The following RBM44 variants were observed in gnomAD, a reference collection of about 807,000 sequenced individuals.
RBM44 encodes RNA binding motif protein 44.
A neutral mutation model predicts 105.1 loss-of-function variants in RBM44; 66 were observed. The observed-to-expected ratio is 0.63, with a 90% CI of 0.52 to 0.77. The LOEUF (loss-of-function observed/expected upper bound fraction) is 0.77. RBM44 is among the 30% of genes least tolerant of loss of function. The pLI is 0.00. For missense variants in RBM44, 1,122 were observed against 1,207.8 expected, an observed-to-expected ratio of 0.93 and a Z score of 1.05; for synonymous variants, 365 against 417.6, an observed-to-expected ratio of 0.87 and a Z score of 1.54.
chr2:237,801,569 C>T (rs2061546636), intron 1 of RBM44, among the ~76,000 whole-genome samples: 1 of 152,120 alleles, frequency 6.6e-6, no homozygotes, highest in African/African-American at 2.4e-5. Flanking sequence ...TCAAGTGAGC[C>T]ACCTGCCTCG....
intron 15 of RBM44, among the ~76,000 whole-genome samples, chr2:237,840,411 G>A (rs182960253): frequency 3.9e-5 from 6 of 152,080 alleles, no homozygotes; most frequent in Admixed American, 6.6e-5. Context: ...ATATACAAAA[G>A]TCAACTCAAC....
At position 237,818,006 on chromosome 2, in the gene RBM44, C is replaced by G. The variant is rs925651299; in HGVS notation, c.1087C>G (p.Gln363Glu). Reference protein sequence around the residue: ...LHLENPSTLPQDKALETLLQP... With the variant: ...LHLENPSTLPEDKALETLLQP... The stretch of plus-strand genomic sequence containing the variant: ...CCTTGAAAATCCTAGCACATTACCA[C>G]AGGATAAAGCTTTAGAGACATTACT... Residue 363 changes from glutamine to glutamate, a missense_variant, in exon 3 of 16, where the codon CAG becomes GAG. Transcript: ENST00000316997. The surrounding 1 kb of genome is among the most constrained non-coding windows in gnomAD (Gnocchi z 4.6). The G allele has an allele frequency of 5.6e-6, 9 of 1,612,906 alleles. No homozygotes were observed. The highest frequency in any genetic ancestry group is 7.6e-6 in the Non-Finnish European group (9 of 1,179,278).
intron 13 of RBM44, among the ~76,000 whole-genome samples, chr2:237,831,852 T>C (rs1012136750): frequency 3.9e-5 from 6 of 152,054 alleles, no homozygotes; most frequent in African/African-American, 1.2e-4. Flanking sequence ...ATTTGTTTGG[T>C]ACATAGCCTC....
At chr2:237,821,416 T>C (rs750951138) in intron 7 of RBM44, 48 bp downstream of exon 7, 1 of 1,396,032 alleles carries the variant, frequency 7.2e-7, no homozygotes, top group African/African-American at 1.5e-5. Context: ...TCCTAAAAAT[T>C]GCTTAATTCA....
At chr2:237,828,930 CTA>C (rs1215923327) in intron 12 of RBM44, among the ~76,000 whole-genome samples, 2 of 152,036 alleles carry the variant, frequency 1.3e-5, no homozygotes, top group African/African-American at 4.8e-5. Flanking sequence ...CTCTGCAACT[CTA>C]TCATATATTA....
At chr2:237,838,319 T>G (rs1016978210) in intron 15 of RBM44, among the ~76,000 whole-genome samples, 6 of 152,150 alleles carry the variant, frequency 3.9e-5, no homozygotes, top group African/African-American at 1.4e-4. Context: ...GTAAAATAAC[T>G]AATTATCTTG....
chr2:237,810,113 G>A (rs999868297), intron 1 of RBM44, among the ~76,000 whole-genome samples: 11 of 152,098 alleles, frequency 7.2e-5, no homozygotes, highest in Admixed American at 2.6e-4. Context: ...CAAATAAAAT[G>A]TTAATGATAT....
At chr2:237,809,150 G>A (rs985251478) in intron 1 of RBM44, among the ~76,000 whole-genome samples, 13 of 152,034 alleles carry the variant, frequency 8.6e-5, no homozygotes, top group Non-Finnish European at 1.6e-4. Flanking sequence ...ATTTTTGACA[G>A]TAACTAGTCT....
rs371424320 is a variant in RBM44 at position 237,839,682 on chromosome 2, A to G, written c.*23-2157A>G. Among the ~76,000 whole-genome samples, 58 of 152,358 alleles carry G rather than the reference A, an allele frequency of 3.8e-4. No individual in the cohort carries two copies. In the South Asian group the frequency reaches 0.011, roughly 30 times the overall value. The stretch of plus-strand genomic sequence containing the variant: ...CAACTTAAACATAAGAGTTAAAATT[A>G]TAAAACTCTTAGAAGAAAACGGTGG... On this transcript the variant is annotated intron_variant, in intron 15 of 15. Transcript: ENST00000316997.
chr2:237,807,043 A>G (rs1416612262), intron 1 of RBM44, among the ~76,000 whole-genome samples: 1 of 152,174 alleles, frequency 6.6e-6, no homozygotes, highest in Non-Finnish European at 1.5e-5. Flanking sequence ...TTAAATCAAG[A>G]GATTTCACTC....
chr2:237,821,291 T>G (rs2061786111), intron 6 of RBM44, 37 bp downstream of exon 6: 1 of 1,552,080 alleles, frequency 6.4e-7, no homozygotes, highest in Admixed American at 2.0e-5. Flanking sequence ...AAATTTTACT[T>G]CATTTAGACA....
At chr2:237,839,122 G>A (rs2061986405) in intron 15 of RBM44, among the ~76,000 whole-genome samples, 1 of 152,180 alleles carries the variant, frequency 6.6e-6, no homozygotes, top group Non-Finnish European at 1.5e-5. Flanking sequence ...TTGCAAGCAG[G>A]TCTTTCTAAG....
Position 237,834,047 on chromosome 2 carries a change from T to TA in RBM44, c.2938dup (p.Thr980AsnfsTer15). 6.4e-7 allele frequency: 1 copy of TA among 1,573,560 alleles called. No homozygotes were observed. The highest frequency in any genetic ancestry group is 8.6e-7 in the Non-Finnish European group (1 of 1,157,000). ...TTGAATCTGCTAAATTATTACCTGA[T>TA]ACACCCGTTCAATTCATACCTCCAA... On this transcript the variant is annotated frameshift_variant, in exon 14 of 16. Transcript: ENST00000316997. LOFTEE classifies it high-confidence loss of function.
Position 237,821,149 on chromosome 2 carries a change from T to C in RBM44, c.1992T>C (p.Tyr664=), listed in dbSNP as rs375392820. Residue 664 remains tyrosine (Y), a synonymous_variant, in exon 6 of 16, where the codon TAT becomes TAC. Coordinates refer to ENST00000316997, the MANE Select transcript of RBM44 (RefSeq NM_001080504.3). ...LSLLGDLKVR[Y]VTLKEKIHKG... is the part of the protein sequence containing the mutation. ...TTTTGGGGGACTTAAAAGTTAGATA[T>C]GTGACTTTGAAAGAAAAAATACACA... 8.7e-6 allele frequency: 14 copies of C among 1,611,388 alleles called. No individual in the cohort carries two copies. In the African/African-American group the frequency reaches 1.2e-4, roughly 14 times the overall value.
intron 7 of RBM44, 68 bp from the exon 8 acceptor site, chr2:237,821,675 G>A (rs1480133046): frequency 9.0e-7 from 1 of 1,105,312 alleles, no homozygotes; most frequent in Non-Finnish European, 1.4e-6. Context: ...ATACATTGTA[G>A]TTAACTATAG....
At chr2:237,823,288 C>A (rs4663794) in intron 8 of RBM44, among the ~76,000 whole-genome samples, 152 bp from the exon 9 acceptor site, 1 of 151,806 alleles carries the variant, frequency 6.6e-6, no homozygotes, top group Middle Eastern at 3.2e-3. Context: ...AGATTCTGTT[C>A]TCTCACATGT....
chr2:237,831,819 G>T (rs1042471032), intron 13 of RBM44, among the ~76,000 whole-genome samples: 5 of 151,908 alleles, frequency 3.3e-5, no homozygotes, highest in African/African-American at 1.2e-4. Flanking sequence ...TTTCATCTCA[G>T]TGACCCTTCA....
At chr2:237,830,707 A>G (rs2061894559) in intron 13 of RBM44, among the ~76,000 whole-genome samples, 1 of 152,170 alleles carries the variant, frequency 6.6e-6, no homozygotes, top group Non-Finnish European at 1.5e-5. Flanking sequence ...TCAAAAATCA[A>G]TTGACCATGT....
intron 13 of RBM44, among the ~76,000 whole-genome samples, chr2:237,832,197 C>G (rs891343910): frequency 9.2e-5 from 14 of 151,572 alleles, no homozygotes; most frequent in African/African-American, 3.1e-4. Context: ...CTCTGTCACC[C>G]AGGCTGGGGT....
Sources: allele counts gnomAD v4.1 joint callset (sites outside exome capture counted in the v4.1 genomes callset), GRCh38; gene constraint gnomAD v4.1.1; non-coding constraint Gnocchi (gnomAD v3.1); transcripts MANE v1.5; gene names NCBI Gene and HGNC (gene_info 2026-07-23, HGNC 2026-07-21).